SLC16A14: variants seen among roughly 807,000 people sequenced by gnomAD.
SLC16A14 encodes solute carrier family 16 member 14.
A neutral mutation model predicts 35.8 loss-of-function variants in SLC16A14; 14 were observed. That is an observed-to-expected ratio of 0.39 (90% CI 0.26 to 0.61). SLC16A14 has a LOEUF of 0.61. SLC16A14 is among the 20% of genes least tolerant of loss of function. The probability of loss-of-function intolerance (pLI) is 0.51; values close to 1 mark genes in which losing one functional copy is unlikely to be tolerated. For missense variants in SLC16A14, 533 were observed against 655.0 expected (o/e 0.81, Z 2.03); for synonymous variants, 248 against 258.9 (o/e 0.96, Z 0.40).
rs1174162708 is a variant in SLC16A14 at position 230,036,239 on chromosome 2, C to T, written c.*1141G>A. The T allele has an allele frequency of 6.6e-6, 1 of 152,582 alleles. No individual in the cohort carries two copies. The highest frequency in any genetic ancestry group is 2.4e-5 in the African/African-American group (1 of 41,440). 9.5% of individuals were successfully genotyped at this position (152,582 alleles called of 1,614,324 possible). On this transcript the variant is annotated 3_prime_UTR_variant, in exon 5 of 5. Coordinates refer to ENST00000295190, the MANE Select transcript of SLC16A14 (RefSeq NM_152527.5). ...ATAAAGAAAGGGCATTATTAGATGT[C>T]ATGGATCACAGTCATCTTCTGTATG...
Position 230,046,599 on chromosome 2 carries a change from G to C in SLC16A14, c.527C>G (p.Thr176Ser). 6.2e-7 allele frequency: 1 copy of C among 1,613,850 alleles called. No homozygotes were observed. Among genetic ancestry groups the C allele is most frequent in the Non-Finnish European group, 8.5e-7 (1 of 1,180,040 alleles). Residue 176 changes from threonine (T) to serine (S), a missense_variant, in exon 4 of 5, where the codon ACT (threonine) becomes AGT (serine). Transcript: ENST00000295190. The surrounding 1 kb of genome is among the most constrained non-coding windows in gnomAD (Gnocchi z 5.0). ...TGCGCACAGGTACTTCAGCAGCACA[G>C]TCATTAGGAACGTACCGAATCCGGT... ...TGTGFGTFLM[T>S]VLLKYLCAEY... is the part of the protein sequence containing the mutation.
rs191391828 is a variant in SLC16A14 at position 230,048,050 on chromosome 2, C to T, written c.404-1328G>A. On this transcript the variant is annotated intron_variant, in intron 3 of 4. Transcript: ENST00000295190. ...ATGGACAGTAGGTTATTATGTTCAC[C>T]TTCTCCTCCTGTCAAAAGATACATA... Among the ~76,000 whole-genome samples the T allele has an allele frequency of 4.2e-3, 646 of 152,312 alleles. 5 individuals carry two copies. The highest frequency in any genetic ancestry group is 0.013 in the African/African-American group (561 of 41,570).
intron 1 of SLC16A14, among the ~76,000 whole-genome samples, chr2:230,060,592 C>A (rs1252954561): frequency 1.3e-5 from 2 of 152,070 alleles, no homozygotes; most frequent in Admixed American, 1.3e-4. Flanking sequence ...GAACTCCTGG[C>A]TTCAAGCGAT....
rs1031240771 is a variant in SLC16A14 at position 230,046,294 on chromosome 2, A to C, written c.832T>G (p.Cys278Gly). The change falls in exon 4 of 5, where the codon TGT becomes GGT. Residue 278 changes from cysteine (C) to glycine (G), a missense_variant. Transcript: ENST00000295190. The surrounding 1 kb of genome is among the most constrained non-coding windows in gnomAD (Gnocchi z 5.0). ...PDQAGHRKNM[C>G]ALRILKTVSW... ...ACAGTCTTCAGAATCCGGAGGGCAC[A>C]CATGTTCTTCCTGTGCCCGGCCTGA... 1 of 1,614,092 alleles carries C rather than the reference A, an allele frequency of 6.2e-7. No homozygotes were observed. The highest frequency in any genetic ancestry group is 8.5e-7 in the Non-Finnish European group (1 of 1,180,046).
rs2077605707 is a variant in SLC16A14, at chr2:230,046,259, G to A, written c.867C>T (p.Leu289=). The A allele has an allele frequency of 1.9e-6, 3 of 1,614,228 alleles. No individual in the cohort carries two copies. The highest frequency in any genetic ancestry group is 2.5e-6 in the Non-Finnish European group (3 of 1,180,042). ...CGAAGCCCTTCCTGACTCTCATGGT[G>A]AGCCAGCTGACAGTCTTCAGAATCC... ...ALRILKTVSW[L]TMRVRKGFED... The change falls in exon 4 of 5, where the codon CTC becomes CTT. Residue 289 remains leucine (L), a synonymous_variant. Transcript: ENST00000295190. This position sits in a 1 kb window ranked among gnomAD's most constrained non-coding sequence, Gnocchi z 5.0.
chr2:230,043,504 T>G (rs905099679), intron 4 of SLC16A14, among the ~76,000 whole-genome samples: 13 of 152,166 alleles, frequency 8.5e-5, no homozygotes, highest in Admixed American at 6.5e-5. Flanking sequence ...TGGGGAGAGA[T>G]ATTCCTGCCA....
Position 230,067,707 on chromosome 2 carries a change from A to G in SLC16A14, c.-15+848T>C, listed in dbSNP as rs141380936. 6.7e-3 allele frequency among the ~76,000 whole-genome samples: 1,018 copies of G among 152,294 alleles called. 11 individuals are homozygous for G. Among genetic ancestry groups the G allele is most frequent in the African/African-American group, 0.021 (887 of 41,566 alleles). ...TGAGCCCGAATCAACTTTTCCTCAG[A>G]AAGAAAATGGCTTAATTGGAAAGCA... is the stretch of plus-strand genomic sequence containing the variant. On this transcript the variant is annotated intron_variant, in intron 1 of 4. Transcript: ENST00000295190.
intron 1 of SLC16A14, among the ~76,000 whole-genome samples, chr2:230,059,914 C>A (rs2077737712): frequency 6.6e-6 from 1 of 152,194 alleles, no homozygotes; most frequent in African/African-American, 2.4e-5. Context: ...CTGGCTCATA[C>A]TAACCCAGCT....
rs768686846 is a variant in SLC16A14, at chr2:230,049,844, C to G, written c.320G>C (p.Gly107Ala). Residue 107 changes from glycine (G) to alanine (A), a missense_variant, in exon 3 of 5, where the codon GGG becomes GCG. Physicochemically the swap from Gly to Ala is moderately conservative, Grantham distance 60. Transcript: ENST00000295190. ...CACCCAGCCCAGGGAGTTGACGAGC[C>G]CTCCAATGATCGCAGTCTGGCGGCA... Reference protein sequence around the residue: ...CGCRQTAIIGGLVNSLGWVLS... With the variant: ...CGCRQTAIIGALVNSLGWVLS... 1.2e-6 allele frequency: 2 copies of G among 1,614,036 alleles called. No homozygotes were observed. Among genetic ancestry groups the G allele is most frequent in the African/African-American group, 2.7e-5 (2 of 74,914 alleles).
chr2:230,038,596 A>G lies in SLC16A14; in HGVS notation c.1382-1065T>C, dbSNP rs1375445484. ...CCTTTTAGTAAGTACATTAATTAGCAGAGACTTAAAATATAAATGATTTAG... is the reference window on the plus strand; with the variant it reads ...CCTTTTAGTAAGTACATTAATTAGCGGAGACTTAAAATATAAATGATTTAG... On this transcript the variant is annotated intron_variant, in intron 4 of 4. Coordinates refer to ENST00000295190, the MANE Select transcript of SLC16A14 (RefSeq NM_152527.5). The surrounding 1 kb of genome is among the most constrained non-coding windows in gnomAD (Gnocchi z 4.4). Among the ~76,000 whole-genome samples, 1 of 152,210 alleles carries G rather than the reference A, an allele frequency of 6.6e-6. No homozygotes were observed. The highest frequency in any genetic ancestry group is 1.5e-5 in the Non-Finnish European group (1 of 68,036).
At chr2:230,061,778 G>A (rs898177602) in intron 1 of SLC16A14, among the ~76,000 whole-genome samples, 1 of 142,988 alleles carries the variant, frequency 7.0e-6, no homozygotes, top group Non-Finnish European at 1.5e-5. Context: ...GTGTTGCTCT[G>A]TCACCCAGGC....
Position 230,046,170 on chromosome 2 carries a change from A to T in SLC16A14, c.956T>A (p.Phe319Tyr). ...SLFTNRMFVA[F>Y]IFWALFAYSS... The stretch of plus-strand genomic sequence containing the variant: ...GTATGCAAACAAAGCCCAGAAAATA[A>T]AGGCTACAAACATTCGATTTGTAAA... Residue 319 changes from phenylalanine to tyrosine, a missense_variant, in exon 4 of 5, where the codon TTT becomes TAT. Phe to Tyr is a conservative substitution (Grantham distance 22). Transcript: ENST00000295190. The surrounding 1 kb of genome is among the most constrained non-coding windows in gnomAD (Gnocchi z 5.0). 6.2e-7 allele frequency: 1 copy of T among 1,614,148 alleles called. No individual in the cohort carries two copies. The highest frequency in any genetic ancestry group is 2.2e-5 in the East Asian group (1 of 44,888).
At position 230,035,002 on chromosome 2, in the gene SLC16A14, T is replaced by G. The variant is rs1168483794; in HGVS notation, c.*2378A>C. ...CCGTCTTCAAAGAGGACAACATTTA[T>G]TTAGTTGTATGTAAATAAAAATTAC... is the stretch of plus-strand genomic sequence containing the variant. On this transcript the variant is annotated 3_prime_UTR_variant, in exon 5 of 5. Transcript: ENST00000295190. The G allele has an allele frequency of 6.6e-6, 1 of 152,222 alleles. No individual in the cohort carries two copies. The highest frequency in any genetic ancestry group is 1.5e-5 in the Non-Finnish European group (1 of 68,044). 9.4% of individuals were successfully genotyped at this position (152,222 alleles called of 1,614,324 possible).
intron 4 of SLC16A14, among the ~76,000 whole-genome samples, chr2:230,042,390 C>T (rs1042866774): frequency 4.6e-5 from 7 of 152,212 alleles, no homozygotes; most frequent in African/African-American, 1.7e-4. Flanking sequence ...GATAAGGAAA[C>T]TATCCTGGCA....
intron 4 of SLC16A14, 109 bp from the exon 5 acceptor site, chr2:230,037,640 A>G (rs2077529018): frequency 2.5e-6 from 2 of 813,074 alleles, no homozygotes; most frequent in Non-Finnish European, 3.7e-6. Context: ...AAGAATTTAT[A>G]TGTCATTTCA....
chr2:230,052,113 T>G (rs2077665533), intron 2 of SLC16A14, among the ~76,000 whole-genome samples: 3 of 152,094 alleles, frequency 2.0e-5, no homozygotes, highest in Admixed American at 2.0e-4. Context: ...ATTTTTGTAT[T>G]TTTAGTAGAG....
intron 2 of SLC16A14, among the ~76,000 whole-genome samples, chr2:230,055,863 T>C (rs1039503049): frequency 6.6e-6 from 1 of 152,208 alleles, no homozygotes; most frequent in African/African-American, 2.4e-5. Flanking sequence ...AAATATATTT[T>C]TAAAAAAGAA....
rs371613985 is a variant in SLC16A14 at position 230,059,146 on chromosome 2, G to C, written c.207C>G (p.Arg69=). The change falls in exon 2 of 5, where the codon CGC becomes CGG. Residue 69 remains arginine, a synonymous_variant. Transcript: ENST00000295190. ...GGGAGCTGACCCAGGCGGTCAGGCC[G>C]CGGCTCTGGTGGAATTCTTCCAGCC... ...VEWLEEFHQS[R]GLTAWVSSLS... The C allele has an allele frequency of 6.2e-7, 1 of 1,614,050 alleles. No individual in the cohort carries two copies. The highest frequency in any genetic ancestry group is 1.3e-5 in the African/African-American group (1 of 74,936).
intron 1 of SLC16A14, among the ~76,000 whole-genome samples, chr2:230,060,467 T>C (rs2077742820): frequency 6.6e-6 from 1 of 152,142 alleles, no homozygotes; most frequent in Non-Finnish European, 1.5e-5. Context: ...TTCAGCCTCC[T>C]GAATAACTGG....
Sources: allele counts gnomAD v4.1 joint callset (sites outside exome capture counted in the v4.1 genomes callset), GRCh38; gene constraint gnomAD v4.1.1; non-coding constraint Gnocchi (gnomAD v3.1); transcripts MANE v1.5; gene names NCBI Gene and HGNC (gene_info 2026-07-23, HGNC 2026-07-21).